CWC27: variants seen among roughly 807,000 people sequenced by gnomAD.
CWC27 encodes spliceosome-associated protein CWC27 homolog.
A neutral mutation model predicts 63.6 loss-of-function variants in CWC27; 47 were observed. That is an observed-to-expected ratio of 0.74 (90% CI 0.58 to 0.94). The LOEUF (loss-of-function observed/expected upper bound fraction) is 0.94. Among genes scored for constraint, CWC27 ranks in the 40% least tolerant of loss-of-function variants. The pLI, the probability that CWC27 is intolerant of heterozygous loss-of-function variation, is 0.00. For synonymous variants in CWC27, 175 were observed against 179.8 expected (o/e 0.97, Z 0.22); for missense variants, 495 against 554.3 (o/e 0.89, Z 1.07).
At chr5:64,846,532 G>C (rs1745984480) in intron 10 of CWC27, among the ~76,000 whole-genome samples, 1 of 152,154 alleles carries the variant, frequency 6.6e-6, no homozygotes, top group Non-Finnish European at 1.5e-5. Context: ...AAGATGTTCT[G>C]TGTAAACCTC....
intron 11 of CWC27, among the ~76,000 whole-genome samples, chr5:64,887,067 AT>A (rs1747087463): frequency 6.6e-6 from 1 of 152,128 alleles, no homozygotes; most frequent in Non-Finnish European, 1.5e-5. Context: ...TAAATATTTT[AT>A]TTGCTTTTGA....
chr5:64,961,964 A>T (rs1748919439), intron 11 of CWC27, among the ~76,000 whole-genome samples: 1 of 152,234 alleles, frequency 6.6e-6, no homozygotes, highest in South Asian at 2.1e-4. Flanking sequence ...AATGATGAAT[A>T]GTCATTATAA....
rs571290448 is a variant in CWC27, at chr5:64,854,787, C to T, written c.939-30656C>T. On this transcript the variant is annotated intron_variant, in intron 10 of 13. Coordinates refer to ENST00000381070, the MANE Select transcript of CWC27 (RefSeq NM_005869.4). ...TCATAAATACCCATCACTGTCCTAGCTTAGGGTCATAAGCCATCATGGCTT... is the reference window on the plus strand; with the variant it reads ...TCATAAATACCCATCACTGTCCTAGTTTAGGGTCATAAGCCATCATGGCTT... Among the ~76,000 whole-genome samples the T allele has an allele frequency of 1.4e-4, 21 of 152,212 alleles. No homozygotes were observed. In the East Asian group the frequency reaches 3.1e-3, roughly 22 times the overall value.
chr5:64,992,601 G>T (rs945535697), intron 13 of CWC27, among the ~76,000 whole-genome samples: 1 of 151,062 alleles, frequency 6.6e-6, no homozygotes, highest in Admixed American at 6.6e-5. Context: ...GCGCTATCTC[G>T]GTTCACTGCA....
intron 11 of CWC27, among the ~76,000 whole-genome samples, chr5:64,934,804 G>A (rs573322509): frequency 2.0e-4 from 31 of 152,178 alleles, no homozygotes; most frequent in African/African-American, 4.6e-4. Context: ...TCTAACTGGC[G>A]TGAGATAGTG....
intron 10 of CWC27, among the ~76,000 whole-genome samples, chr5:64,830,248 C>T (rs1745482006): frequency 6.6e-6 from 1 of 151,336 alleles, no homozygotes; most frequent in African/African-American, 2.4e-5. Flanking sequence ...TCAAGTCCCA[C>T]CTATGAGTGA....
At chr5:64,871,420 G>C (rs1397616668) in intron 10 of CWC27, among the ~76,000 whole-genome samples, 1 of 152,090 alleles carries the variant, frequency 6.6e-6, no homozygotes, top group African/African-American at 2.4e-5. Flanking sequence ...TATGAGTTAT[G>C]AGCAGAAGGG....
chr5:64,783,887 G>A lies in CWC27; in HGVS notation c.304G>A (p.Ala102Thr), dbSNP rs752677043. 12 of 1,604,148 alleles carry A rather than the reference G, an allele frequency of 7.5e-6. No individual in the cohort carries two copies. The Admixed American group carries it at 1.2e-4, about 16-fold the overall frequency. The change falls in exon 4 of 14, where the codon GCA (alanine) becomes ACA (threonine). Residue 102 changes from alanine to threonine, a missense_variant. Around this residue, in one of 3 missense-constraint regions of CWC27, gnomAD observed 463 missense variants for 498.1 expected, o/e 0.93. Transcript: ENST00000381070. The part of the protein sequence containing the change: ...RFNRRGLVAM[A>T]NAGSHDNGSQ... ...TAATCGGAGAGGACTGGTTGCCATG[G>A]CAAATGCTGGTTCTCATGATAATGG...
At chr5:64,925,017 G>A (rs1348771141) in intron 11 of CWC27, among the ~76,000 whole-genome samples, 1 of 151,664 alleles carries the variant, frequency 6.6e-6, no homozygotes, top group Admixed American at 6.6e-5. Context: ...GAAATGTGTA[G>A]TTAGCAACAT....
chr5:64,868,290 AGTTT>A (rs755417740), intron 10 of CWC27, among the ~76,000 whole-genome samples: 14 of 151,476 alleles, frequency 9.2e-5, no homozygotes, highest in Admixed American at 4.0e-4. Flanking sequence ...AAAATACCTG[AGTTT>A]GTTTATTATT....
At chr5:64,870,482 T>TAAGAA (rs1746643478) in intron 10 of CWC27, among the ~76,000 whole-genome samples, 1 of 48,334 alleles carries the variant, frequency 2.1e-5, no homozygotes. Flanking sequence ...TTAAATTGGT[T>TAAGAA]AAAAAAAAAA....
chr5:64,787,733 T>C (rs905060010), intron 6 of CWC27, among the ~76,000 whole-genome samples: 2 of 152,128 alleles, frequency 1.3e-5, no homozygotes, highest in Non-Finnish European at 2.9e-5. Context: ...CAACGTACTC[T>C]TTTACTGAAT....
intron 10 of CWC27, among the ~76,000 whole-genome samples, chr5:64,865,953 G>A (rs1746522845): frequency 6.6e-6 from 1 of 152,020 alleles, no homozygotes; most frequent in African/African-American, 2.4e-5. Context: ...ACAAGAAAAT[G>A]AATCTGGTTT....
intron 7 of CWC27, among the ~76,000 whole-genome samples, chr5:64,791,165 A>T (rs1046100145): frequency 1.5e-5 from 2 of 133,224 alleles, no homozygotes; most frequent in Non-Finnish European, 3.2e-5. Context: ...CAAGGGCAGG[A>T]GAAAGTTTTT....
chr5:64,953,073 A>G (rs1433618), intron 11 of CWC27, among the ~76,000 whole-genome samples: 59,176 of 151,966 alleles, frequency 0.39, 12,049 homozygotes, highest in Non-Finnish European at 0.45. Context: ...CCATTTGGTT[A>G]TGGTTGAATA....
intron 10 of CWC27, among the ~76,000 whole-genome samples, chr5:64,843,450 A>T (rs1745896984): frequency 6.6e-6 from 1 of 152,210 alleles, no homozygotes; most frequent in Admixed American, 6.5e-5. Flanking sequence ...ACTCACATTG[A>T]GACAGTTTTT....
At chr5:64,789,845 T>G (rs1216299685) in intron 7 of CWC27, among the ~76,000 whole-genome samples, 1 of 152,186 alleles carries the variant, frequency 6.6e-6, no homozygotes, top group Non-Finnish European at 1.5e-5. Flanking sequence ...TAGTCTTTAT[T>G]GTTGTAATTA....
chr5:64,856,232 T>C (rs1746255274), intron 10 of CWC27, among the ~76,000 whole-genome samples: 1 of 152,102 alleles, frequency 6.6e-6, no homozygotes, highest in South Asian at 2.1e-4. Flanking sequence ...AATTGTTTTT[T>C]AAAATACTTT....
chr5:64,958,777 A>C (rs1324404705), intron 11 of CWC27, among the ~76,000 whole-genome samples: 1 of 152,168 alleles, frequency 6.6e-6, no homozygotes, highest in Non-Finnish European at 1.5e-5. Flanking sequence ...TTTGAGAATT[A>C]TTTTAAGCCC....
Sources: allele counts gnomAD v4.1 joint callset (sites outside exome capture counted in the v4.1 genomes callset), GRCh38; gene constraint gnomAD v4.1.1; regional missense constraint gnomAD v4.1.1; transcripts MANE v1.5; gene names NCBI Gene and HGNC (gene_info 2026-07-23, HGNC 2026-07-21).